RASSF8: variants seen among roughly 807,000 people sequenced by gnomAD.
RASSF8 encodes the protein Ras association domain family member 8.
Under a neutral mutation model 48.5 loss-of-function variants are expected in RASSF8, and 22 were observed. The ratio of observed to expected loss-of-function variants is 0.45; its 90% CI spans 0.32 to 0.65. RASSF8 has a LOEUF of 0.65. Among genes scored for constraint, RASSF8 ranks in the 30% least tolerant of loss-of-function variants. The pLI is 0.03. For missense variants in RASSF8, 418 were observed against 489.2 expected, an observed-to-expected ratio of 0.85 and a Z score of 1.37; for synonymous variants, 127 against 171.5, an observed-to-expected ratio of 0.74 and a Z score of 2.03.
At chr12:26,073,563 C>G (rs1242592234), downstream of RASSF8, among the ~76,000 whole-genome samples, 1 of 151,976 alleles carries the variant, frequency 6.6e-6, no homozygotes, top group Non-Finnish European at 1.5e-5. Flanking sequence ...GTGGCGAAAC[C>G]CCGTCTGTAC....
chr12:26,066,203 A>G (rs1044846544), intron 4 of RASSF8, among the ~76,000 whole-genome samples: 6 of 152,208 alleles, frequency 3.9e-5, no homozygotes, highest in African/African-American at 1.4e-4. Context: ...GACACAGAAC[A>G]TTTCCACCAT....
At chr12:25,992,571 T>A (rs141894469) in intron 1 of RASSF8, among the ~76,000 whole-genome samples, 8 of 151,684 alleles carry the variant, frequency 5.3e-5, no homozygotes, top group African/African-American at 1.9e-4. Context: ...TCTTGGAGAG[T>A]GAGTTGGAGT....
intron 1 of RASSF8, among the ~76,000 whole-genome samples, chr12:25,967,426 A>G (rs888995160): frequency 1.7e-4 from 26 of 152,154 alleles, no homozygotes; most frequent in African/African-American, 6.3e-4. Flanking sequence ...TTTTCTTTGA[A>G]AACCTCCCAA....
At chr12:26,011,153 A>G (rs1344912881) in intron 2 of RASSF8, among the ~76,000 whole-genome samples, 1 of 152,174 alleles carries the variant, frequency 6.6e-6, no homozygotes, top group African/African-American at 2.4e-5. Flanking sequence ...CTGGAAAATA[A>G]TTCTCAAGGC....
chr12:25,976,578 A>G (rs557183679), intron 1 of RASSF8, among the ~76,000 whole-genome samples: 1 of 152,296 alleles, frequency 6.6e-6, no homozygotes, highest in East Asian at 1.9e-4. Context: ...GGCCAATGGG[A>G]AACTTCTAGT....
chr12:25,969,427 A>G (rs934183578), intron 1 of RASSF8, among the ~76,000 whole-genome samples: 9 of 152,214 alleles, frequency 5.9e-5, no homozygotes, highest in African/African-American at 1.9e-4. Flanking sequence ...CATGGCAGAT[A>G]GTATTATAAA....
chr12:26,014,286 G>C (rs576132039), intron 2 of RASSF8, among the ~76,000 whole-genome samples: 7 of 152,236 alleles, frequency 4.6e-5, no homozygotes, highest in African/African-American at 1.7e-4. Flanking sequence ...ATGTGTTCAT[G>C]CTGAGCCTGA....
At chr12:26,005,452 C>A (rs1261530618) in intron 2 of RASSF8, among the ~76,000 whole-genome samples, 2 of 152,100 alleles carry the variant, frequency 1.3e-5, no homozygotes, top group Admixed American at 6.6e-5. Flanking sequence ...TTCTCTGTGA[C>A]CTAGTTTTAA....
chr12:26,075,710 TAAAC>T (rs917525117), downstream of RASSF8, among the ~76,000 whole-genome samples: 4 of 152,150 alleles, frequency 2.6e-5, no homozygotes, highest in African/African-American at 9.7e-5. Flanking sequence ...GAAGATCAAA[TAAAC>T]AAATTGAAAT....
chr12:25,988,746 A>C (rs6487522), intron 1 of RASSF8, among the ~76,000 whole-genome samples: 1 of 151,860 alleles, frequency 6.6e-6, no homozygotes, highest in Non-Finnish European at 1.5e-5. Context: ...TGAGTTTGCC[A>C]GATCCTGTGC....
In RASSF8 at chr12:26,069,484, C is replaced by T; in HGVS notation, c.*666C>T. The T allele has an allele frequency of 1.0e-6, 1 of 985,244 alleles. No individual in the cohort carries two copies. The highest frequency in any genetic ancestry group is 1.2e-6 in the Non-Finnish European group (1 of 829,898). 61.0% of individuals were successfully genotyped at this position (985,244 alleles called of 1,614,324 possible). A position where few individuals can be genotyped will look rare whatever the true frequency, so the allele number is the denominator to read the frequency against. On this transcript the variant is annotated 3_prime_UTR_variant, in exon 6 of 6. Transcript: ENST00000689635. ...CAATATTTCCAAATATACGTGTGGC[C>T]ACAGAGCATAACAGATATTTTTCAT...
rs1176721541 is a variant in RASSF8 at position 25,958,781 on chromosome 12, C to A, written c.-570C>A. ...GCGCCCCGCGCCGCGCCCCGCTCAG[C>A]GTCTGCCGCCCAGCTCCTCGCCCAG... On this transcript the variant is annotated 5_prime_UTR_variant, in exon 1 of 6. Coordinates refer to ENST00000689635, the MANE Select transcript of RASSF8 (RefSeq NM_001394098.1). Among the ~76,000 whole-genome samples, 1 of 147,084 alleles carries A rather than the reference C, an allele frequency of 6.8e-6. No homozygotes were observed. Among genetic ancestry groups the A allele is most frequent in the African/African-American group, 2.4e-5 (1 of 40,972 alleles).
chr12:26,015,793 A>G (rs1057400309), intron 2 of RASSF8, among the ~76,000 whole-genome samples: 2 of 152,148 alleles, frequency 1.3e-5, no homozygotes, highest in Non-Finnish European at 1.5e-5. Flanking sequence ...CTCATTAGCA[A>G]TGTTTTTTTT....
chr12:26,004,161 A>C lies in RASSF8; in HGVS notation c.-109+9031A>C, dbSNP rs575084118. Reference sequence around the variant, plus strand: ...CACTGCACTCAAGACTGGGTGACAGACTGAGACCCTGTCTCAAACATAAAA... The same window carrying C: ...CACTGCACTCAAGACTGGGTGACAGCCTGAGACCCTGTCTCAAACATAAAA... On this transcript the variant is annotated intron_variant, in intron 2 of 5. Transcript: ENST00000689635. Among the ~76,000 whole-genome samples, 1,064 of 152,296 alleles carry C rather than the reference A, an allele frequency of 7.0e-3. 10 individuals are homozygous for C. The highest frequency in any genetic ancestry group is 0.024 in the African/African-American group (1,009 of 41,560).
chr12:25,960,730 C>A (rs965189238), intron 1 of RASSF8, among the ~76,000 whole-genome samples: 1 of 152,108 alleles, frequency 6.6e-6, no homozygotes, highest in Non-Finnish European at 1.5e-5. Context: ...GGCAGTAATG[C>A]ACTGAGTTCT....
In RASSF8 at chr12:26,057,537, C is replaced by T. The variant is rs571438297; in HGVS notation, c.103+2091C>T. On this transcript the variant is annotated intron_variant, in intron 3 of 5. Transcript: ENST00000689635. ...TAATCCAGTCTATCATTGATGGACA[C>T]TTGGGTTGGTTCCAAGTCTTTGCTA... 1.8e-4 allele frequency among the ~76,000 whole-genome samples: 27 copies of T among 152,258 alleles called. No individual in the cohort carries two copies. The South Asian group carries it at 3.1e-3, about 18-fold the overall frequency.
intron 3 of RASSF8, among the ~76,000 whole-genome samples, chr12:26,060,447 A>G (rs563621213): frequency 4.6e-5 from 7 of 152,234 alleles, no homozygotes; most frequent in Non-Finnish European, 1.0e-4. Context: ...TAAAAAAATA[A>G]CTAAATGTCA....
At chr12:26,077,041 C>T (rs1447891040), downstream of RASSF8, among the ~76,000 whole-genome samples, 422 of 141,150 alleles carry the variant, frequency 3.0e-3, no homozygotes, top group Non-Finnish European at 3.9e-3. Flanking sequence ...TTTCATGTGT[C>T]TGTTGGCTGC....
downstream of RASSF8, among the ~76,000 whole-genome samples, chr12:26,074,852 GA>G (rs1225014126): frequency 6.6e-6 from 1 of 152,200 alleles, no homozygotes; most frequent in African/African-American, 2.4e-5. Flanking sequence ...AGGTCCAAGA[GA>G]GATGGGAAGT....
Sources: gnomAD v4.1 joint callset for allele counts (sites outside exome capture counted in the v4.1 genomes callset) on GRCh38, gnomAD v4.1.1 for gene constraint, MANE v1.5 for transcripts, NCBI Gene and HGNC (gene_info 2026-07-23, HGNC 2026-07-21) for gene names.